LIPK: variants seen among roughly 807,000 people sequenced by gnomAD.
LIPK encodes the protein lipase family member K, also known as lipase member K.
Under a neutral mutation model 48.6 loss-of-function variants are expected in LIPK, and 32 were observed. That is an observed-to-expected ratio of 0.66 (90% CI 0.50 to 0.88). LIPK has a LOEUF of 0.88. Ranked by LOEUF, LIPK falls within the 40% of genes least tolerant of loss-of-function variation. The pLI is 0.00. For synonymous variants in LIPK, 164 were observed against 157.4 expected (o/e 1.04, Z -0.32); for missense variants, 507 against 478.5 (o/e 1.06, Z -0.56).
chr10:88,749,702 G>GGCAAAAATTTCATGATAAAGAT (rs1426815238), intron 9 of LIPK, among the ~76,000 whole-genome samples: 9 of 90,210 alleles, frequency 1.0e-4, no homozygotes, highest in Non-Finnish European at 1.4e-4. Flanking sequence ...CATAGGACCT[G>GGCAAAAATTTCATGATAAAGAT]GCAAAAATTT....
In LIPK at chr10:88,724,565, G is replaced by T; in HGVS notation, c.22G>T (p.Ala8Ser). 1.9e-6 allele frequency: 3 copies of T among 1,607,916 alleles called. No individual in the cohort carries two copies. The highest frequency in any genetic ancestry group is 2.5e-6 in the Non-Finnish European group (3 of 1,177,744). The change falls in exon 2 of 10, where the codon GCA becomes TCA. Residue 8 changes from alanine (A) to serine (S), a missense_variant. Coordinates refer to ENST00000404190, the MANE Select transcript of LIPK (RefSeq NM_001080518.2). MWQLLAA[A>S]CWMLLLGSMY... ...CCAAATGTGGCAGCTTTTAGCAGCAGCATGCTGGATGCTTCTTCTTGGATC... is the reference window on the plus strand; with the variant it reads ...CCAAATGTGGCAGCTTTTAGCAGCATCATGCTGGATGCTTCTTCTTGGATC...
chr10:88,724,582 T>C lies in LIPK; in HGVS notation c.39T>C (p.Leu13=). Residue 13 remains leucine (L), a synonymous_variant, in exon 2 of 10, where the codon CTT becomes CTC. Coordinates refer to ENST00000404190, the MANE Select transcript of LIPK (RefSeq NM_001080518.2). ...QLLAAACWML[L]LGSMYGYDKK... Reference sequence around the variant, plus strand: ...TAGCAGCAGCATGCTGGATGCTTCTTCTTGGATCTATGTATGGTTATGACA... The same window carrying C: ...TAGCAGCAGCATGCTGGATGCTTCTCCTTGGATCTATGTATGGTTATGACA... 1.9e-6 allele frequency: 3 copies of C among 1,610,506 alleles called. No individual in the cohort carries two copies. Among genetic ancestry groups the C allele is most frequent in the East Asian group, 2.2e-5 (1 of 44,740 alleles).
intron 1 of LIPK, among the ~76,000 whole-genome samples, chr10:88,718,331 A>C (rs1271416445): frequency 6.7e-6 from 1 of 148,510 alleles, no homozygotes; most frequent in African/African-American, 2.4e-5. Flanking sequence ...GCCAAGTATA[A>C]TATAGGATGA....
At chr10:88,730,118 G>C (rs1202747638) in intron 3 of LIPK, among the ~76,000 whole-genome samples, 1 of 152,008 alleles carries the variant, frequency 6.6e-6, no homozygotes, top group Non-Finnish European at 1.5e-5. Flanking sequence ...ACTTAGCATA[G>C]TGCTTGACAT....
At chr10:88,731,833 T>C (rs1842473471) in intron 4 of LIPK, among the ~76,000 whole-genome samples, 1 of 152,258 alleles carries the variant, frequency 6.6e-6, no homozygotes, top group Admixed American at 6.5e-5. Context: ...TCTGCAAATC[T>C]GTTTGCTTTA....
chr10:88,735,515 GAAA>G (rs927189777), intron 6 of LIPK, among the ~76,000 whole-genome samples: 1 of 151,738 alleles, frequency 6.6e-6, no homozygotes, highest in African/African-American at 2.4e-5. Context: ...TTTATAGGTG[GAAA>G]AAAAAGTCTT....
intron 3 of LIPK, among the ~76,000 whole-genome samples, chr10:88,729,308 T>G (rs1266493137): frequency 2.0e-5 from 3 of 151,564 alleles, no homozygotes; most frequent in Non-Finnish European, 4.4e-5. Flanking sequence ...TTGCTCTTGC[T>G]TTCTTCTCTC....
At chr10:88,708,716 T>G (rs986465239) in intron 1 of LIPK, among the ~76,000 whole-genome samples, 5 of 152,094 alleles carry the variant, frequency 3.3e-5, no homozygotes, top group Non-Finnish European at 5.9e-5. Flanking sequence ...AAAATTCCCT[T>G]AATGAATTTA....
At chr10:88,750,198 A>G (rs1842841485) in intron 9 of LIPK, among the ~76,000 whole-genome samples, 1 of 152,192 alleles carries the variant, frequency 6.6e-6, no homozygotes, top group Non-Finnish European at 1.5e-5. Flanking sequence ...GTCATACACC[A>G]CTGGTGGGAA....
At chr10:88,751,418 G>T (rs1028413819) in intron 9 of LIPK, among the ~76,000 whole-genome samples, 1 of 151,764 alleles carries the variant, frequency 6.6e-6, no homozygotes, top group Admixed American at 6.6e-5. Context: ...TAAAGTCAGG[G>T]TCTCATTATG....
intron 1 of LIPK, among the ~76,000 whole-genome samples, chr10:88,707,558 C>G (rs1269820597): frequency 6.6e-6 from 1 of 151,940 alleles, no homozygotes; most frequent in African/African-American, 2.4e-5. Context: ...TTTTTTCTGC[C>G]TTGGCATTTT....
intron 6 of LIPK, among the ~76,000 whole-genome samples, chr10:88,735,610 C>T (rs1454320771): frequency 6.6e-6 from 1 of 152,270 alleles, no homozygotes; most frequent in Non-Finnish European, 1.5e-5. Context: ...CTGAAACCAG[C>T]CCATGTTCTG....
At chr10:88,751,990 C>T (rs1480859866) in intron 9 of LIPK, among the ~76,000 whole-genome samples, 6 of 152,098 alleles carry the variant, frequency 3.9e-5, no homozygotes, top group African/African-American at 1.2e-4. Context: ...GGAAAACTTG[C>T]TGAGAGTTTA....
In LIPK at chr10:88,732,302, G is replaced by C. The variant is rs1842483621; in HGVS notation, c.532+15G>C. 6.2e-7 allele frequency: 1 copy of C among 1,605,792 alleles called. No individual in the cohort carries two copies. The highest frequency in any genetic ancestry group is 8.5e-7 in the Non-Finnish European group (1 of 1,175,352). On this transcript the variant is annotated intron_variant, in intron 5 of 9. Coordinates refer to ENST00000404190, the MANE Select transcript of LIPK (RefSeq NM_001080518.2). ...CACCACCATAGGTGTGTTTGGGGCA[G>C]ATGTGATCAGAGAATGTCAGGGGCT...
At position 88,751,790 on chromosome 10, in the gene LIPK, A is replaced by C. The variant is rs73352676; in HGVS notation, c.961-727A>C. On this transcript the variant is annotated intron_variant, in intron 9 of 9. Transcript: ENST00000404190. ...TTTTTCCAAAGGCCCCCTAACCCCAACTCCCACCAAAAGATACTATATTCT... is the reference window on the plus strand; with the variant it reads ...TTTTTCCAAAGGCCCCCTAACCCCACCTCCCACCAAAAGATACTATATTCT... Among the ~76,000 whole-genome samples, 1,027 of 152,084 alleles carry C rather than the reference A, an allele frequency of 6.8e-3. 4 individuals carry two copies. Among genetic ancestry groups the C allele is most frequent in the Middle Eastern group, 0.024 (7 of 294 alleles).
At chr10:88,731,972 AT>A (rs2134741505) in intron 4 of LIPK, among the ~76,000 whole-genome samples, 1 of 152,288 alleles carries the variant, frequency 6.6e-6, no homozygotes, top group Non-Finnish European at 1.5e-5. Context: ...GACAAATCAA[AT>A]TTTTCTGATT....
intron 7 of LIPK, among the ~76,000 whole-genome samples, chr10:88,739,471 G>A (rs1842638135): frequency 6.6e-6 from 1 of 150,524 alleles, no homozygotes; most frequent in African/African-American, 2.4e-5. Flanking sequence ...GCTGAGGACA[G>A]GACAGAGCTG....
chr10:88,709,902 G>C (rs1201521770), intron 1 of LIPK, among the ~76,000 whole-genome samples: 1 of 151,992 alleles, frequency 6.6e-6, no homozygotes, highest in Admixed American at 6.6e-5. Flanking sequence ...GGCCAAATTA[G>C]TATTACAAAA....
At chr10:88,740,669 CATTT>C (rs1360292410) in intron 8 of LIPK, among the ~76,000 whole-genome samples, 1 of 152,108 alleles carries the variant, frequency 6.6e-6, no homozygotes, top group African/African-American at 2.4e-5. Flanking sequence ...CATGCACATT[CATTT>C]GTTTATTATG....
Sources: gnomAD v4.1 joint callset for allele counts (sites outside exome capture counted in the v4.1 genomes callset) on GRCh38, gnomAD v4.1.1 for gene constraint, MANE v1.5 for transcripts, NCBI Gene and HGNC (gene_info 2026-07-23, HGNC 2026-07-21) for gene names.